MAGI2: variants seen among roughly 807,000 people sequenced by gnomAD.
MAGI2 encodes membrane associated guanylate kinase, WW and PDZ domain containing 2.
MAGI2 carries 35 observed loss-of-function variants against 133.3 expected under a neutral mutation model. That is an observed-to-expected ratio of 0.26 (90% CI 0.20 to 0.35). The LOEUF (loss-of-function observed/expected upper bound fraction) is 0.35, where lower values mean the gene tolerates loss of function less well. MAGI2 is among the 10% of genes least tolerant of loss of function. MAGI2 has a pLI of 1.00. For synonymous variants in MAGI2, 729 were observed against 710.6 expected, an observed-to-expected ratio of 1.03 and a Z score of -0.41; for missense variants, 1,636 against 1,863.4, an observed-to-expected ratio of 0.88 and a Z score of 2.25.
chr7:78,080,930 A>T (rs908221042), intron 20 of MAGI2, among the ~76,000 whole-genome samples: 1 of 152,032 alleles, frequency 6.6e-6, no homozygotes, highest in Non-Finnish European at 1.5e-5. Context: ...AGGCCTTTAC[A>T]TGGTTATTCC....
chr7:78,718,193 G>A (rs1195052822), intron 2 of MAGI2, among the ~76,000 whole-genome samples: 2 of 152,092 alleles, frequency 1.3e-5, no homozygotes, highest in Admixed American at 6.5e-5. Flanking sequence ...AACTTATAAC[G>A]CTGTTTCAGA....
intron 6 of MAGI2, among the ~76,000 whole-genome samples, chr7:78,373,718 C>G (rs1794163423): frequency 6.6e-6 from 1 of 152,096 alleles, no homozygotes; most frequent in Admixed American, 6.6e-5. Context: ...CATAGTAGCA[C>G]AGAGCAGTTT....
intron 1 of MAGI2, among the ~76,000 whole-genome samples, chr7:79,282,251 G>A (rs1262142225): frequency 1.3e-5 from 2 of 152,126 alleles, no homozygotes; most frequent in African/African-American, 4.8e-5. Context: ...CCCTCTGGTG[G>A]CAGAACATTC....
chr7:78,423,149 T>C (rs1393536099), intron 6 of MAGI2, among the ~76,000 whole-genome samples: 7 of 152,276 alleles, frequency 4.6e-5, no homozygotes, highest in Non-Finnish European at 8.8e-5. Flanking sequence ...TTCCCATGTA[T>C]TATGGGAGGA....
chr7:78,612,611 T>C (rs1045620451), intron 3 of MAGI2, among the ~76,000 whole-genome samples: 9 of 152,146 alleles, frequency 5.9e-5, no homozygotes, highest in Admixed American at 5.9e-4. Context: ...CCTGGTCTCA[T>C]TAACGGAATA....
chr7:78,667,043 T>C (rs926236036), intron 2 of MAGI2, among the ~76,000 whole-genome samples: 12 of 152,274 alleles, frequency 7.9e-5, no homozygotes, highest in African/African-American at 2.9e-4. Context: ...TTAAACTTTT[T>C]ATTTTAAGAT....
At chr7:78,649,130 A>G (rs1042980855) in intron 2 of MAGI2, among the ~76,000 whole-genome samples, 1 of 148,676 alleles carries the variant, frequency 6.7e-6, no homozygotes, top group Non-Finnish European at 1.5e-5. Context: ...TCTGTTGGGT[A>G]GTGGCACTTT....
intron 3 of MAGI2, among the ~76,000 whole-genome samples, chr7:78,577,580 A>G (rs961172854): frequency 6.7e-6 from 1 of 150,026 alleles, no homozygotes; most frequent in Non-Finnish European, 1.5e-5. Flanking sequence ...AAAGAGAGTC[A>G]GTGAAGGGAG....
At chr7:79,424,357 A>G (rs1847187602) in intron 1 of MAGI2, among the ~76,000 whole-genome samples, 1 of 152,068 alleles carries the variant, frequency 6.6e-6, no homozygotes, top group African/African-American at 2.4e-5. Flanking sequence ...AAATCTAAAA[A>G]AGTTATTTTC....
chr7:78,298,810 GTTTTTTTT>G (rs71085520), intron 9 of MAGI2, among the ~76,000 whole-genome samples: 3 of 79,604 alleles, frequency 3.8e-5, no homozygotes, highest in African/African-American at 2.0e-4. Flanking sequence ...TGGCCTAAAC[GTTTTTTTT>G]TTTTTTTTTT....
intron 2 of MAGI2, among the ~76,000 whole-genome samples, chr7:78,877,412 A>G (rs771356962): frequency 7.9e-5 from 12 of 152,230 alleles, no homozygotes; most frequent in Non-Finnish European, 1.6e-4. Flanking sequence ...ACTGTGTGCT[A>G]ACAACATAAA....
chr7:78,985,319 TTCA>T (rs1805159605), intron 2 of MAGI2, among the ~76,000 whole-genome samples: 1 of 152,124 alleles, frequency 6.6e-6, no homozygotes, highest in African/African-American at 2.4e-5. Flanking sequence ...TATTAATTTG[TTCA>T]TCAACTAGAA....
chr7:78,971,632 A>G (rs1803792211), intron 2 of MAGI2, among the ~76,000 whole-genome samples: 1 of 151,984 alleles, frequency 6.6e-6, no homozygotes, highest in African/African-American at 2.4e-5. Flanking sequence ...TTATGTGTTA[A>G]GTTTGGCCAC....
intron 1 of MAGI2, among the ~76,000 whole-genome samples, chr7:79,237,220 G>A (rs1231226749): frequency 6.6e-6 from 1 of 152,190 alleles, no homozygotes; most frequent in Non-Finnish European, 1.5e-5. Flanking sequence ...CACTTGCCGG[G>A]CGCGGTGGCT....
intron 21 of MAGI2, among the ~76,000 whole-genome samples, chr7:78,058,790 G>A (rs1812926356): frequency 6.6e-6 from 1 of 152,102 alleles, no homozygotes; most frequent in African/African-American, 2.4e-5. Context: ...ATTATTTTAT[G>A]GATGAGTAGA....
At chr7:78,547,711 G>A (rs962122351) in intron 3 of MAGI2, among the ~76,000 whole-genome samples, 1 of 152,184 alleles carries the variant, frequency 6.6e-6, no homozygotes, top group African/African-American at 2.4e-5. Context: ...CACATAATGT[G>A]CACATCTTTG....
intron 10 of MAGI2, among the ~76,000 whole-genome samples, chr7:78,244,854 T>G (rs548394887): frequency 6.6e-6 from 1 of 152,192 alleles, no homozygotes. Context: ...TGTATAAAAT[T>G]TATTACCCAT....
chr7:78,114,755 G>T (rs968001721), intron 20 of MAGI2, among the ~76,000 whole-genome samples: 6 of 152,212 alleles, frequency 3.9e-5, no homozygotes, highest in African/African-American at 1.2e-4. Context: ...TGTGTTCTCA[G>T]GCAGGACTGT....
intron 9 of MAGI2, among the ~76,000 whole-genome samples, chr7:78,322,181 A>C (rs950860409): frequency 6.6e-6 from 1 of 152,224 alleles, no homozygotes; most frequent in Admixed American, 6.5e-5. Flanking sequence ...AATTAGTTCA[A>C]CCATTGTGGA....
Sources: gnomAD v4.1 joint callset for allele counts (sites outside exome capture counted in the v4.1 genomes callset) on GRCh38, gnomAD v4.1.1 for gene constraint, MANE v1.5 for transcripts, NCBI Gene and HGNC (gene_info 2026-07-23, HGNC 2026-07-21) for gene names.